IL1RAPL1: variants seen among roughly 807,000 people sequenced by gnomAD.
The protein encoded by IL1RAPL1 is interleukin-1 receptor accessory protein-like 1.
IL1RAPL1 carries 3 observed loss-of-function variants against 48.4 expected under a neutral mutation model. The observed-to-expected ratio is 0.06, with a 90% CI of 0.03 to 0.16. The LOEUF (loss-of-function observed/expected upper bound fraction) is 0.16, where lower values mean the gene tolerates loss of function less well. IL1RAPL1 is among the 10% of genes least tolerant of loss of function. The probability of loss-of-function intolerance (pLI) is 1.00; values close to 1 mark genes in which losing one functional copy is unlikely to be tolerated. For synonymous variants in IL1RAPL1, 185 were observed against 187.7 expected, an observed-to-expected ratio of 0.99 and a Z score of 0.12; for missense variants, 349 against 530.6, an observed-to-expected ratio of 0.66 and a Z score of 3.36.
At chrX:29,483,479 G>C (rs1329734886) in intron 5 of IL1RAPL1, among the ~76,000 whole-genome samples, 2 of 111,359 alleles carry the variant, frequency 1.8e-5, no homozygotes, top group Non-Finnish European at 3.8e-5. Flanking sequence ...CTATTTTCTA[G>C]GCGGTTTGTT....
intron 2 of IL1RAPL1, among the ~76,000 whole-genome samples, chrX:29,174,942 C>T (rs1465728265): frequency 4.6e-5 from 5 of 109,468 alleles, no homozygotes; most frequent in Non-Finnish European, 7.6e-5. Context: ...GGCGTGGTGG[C>T]GGGCACCTGT....
chrX:28,788,410 C>A (rs1936495830), intron 1 of IL1RAPL1, among the ~76,000 whole-genome samples: 1 of 111,387 alleles, frequency 9.0e-6, no homozygotes, highest in Non-Finnish European at 1.9e-5. Flanking sequence ...TCTTATATTC[C>A]TCTGCAAGCC....
chrX:29,072,908 G>A (rs1311695154), intron 2 of IL1RAPL1, among the ~76,000 whole-genome samples: 2 of 111,793 alleles, frequency 1.8e-5, no homozygotes, highest in Admixed American at 9.5e-5. Flanking sequence ...GAAGGCCTGG[G>A]AGGGCAAACT....
intron 2 of IL1RAPL1, among the ~76,000 whole-genome samples, chrX:28,839,144 G>T (rs1291582660): frequency 9.0e-6 from 1 of 111,531 alleles, no homozygotes; most frequent in Non-Finnish European, 1.9e-5. Flanking sequence ...TTTTATATGT[G>T]CTTAAAGTTT....
chrX:29,244,472 C>T (rs186356884), intron 2 of IL1RAPL1, among the ~76,000 whole-genome samples: 74 of 112,134 alleles, frequency 6.6e-4, no homozygotes, highest in African/African-American at 1.9e-3. Context: ...TCAGAGCATT[C>T]GGCTCACCTC....
At chrX:29,143,958 T>C (rs1929295502) in intron 2 of IL1RAPL1, among the ~76,000 whole-genome samples, 1 of 111,646 alleles carries the variant, frequency 9.0e-6, no homozygotes, top group South Asian at 3.8e-4. Flanking sequence ...AGCTCTTGAG[T>C]ATGAATATCA....
At chrX:29,342,214 CA>C (rs1933093349) in intron 3 of IL1RAPL1, among the ~76,000 whole-genome samples, 1 of 109,028 alleles carries the variant, frequency 9.2e-6, no homozygotes, top group Admixed American at 1.0e-4. Flanking sequence ...CTTTCTGAGG[CA>C]AAAAAGTTAA....
At chrX:28,810,567 C>T (rs1194948592) in intron 2 of IL1RAPL1, among the ~76,000 whole-genome samples, 1 of 110,328 alleles carries the variant, frequency 9.1e-6, no homozygotes, top group Non-Finnish European at 1.9e-5. Context: ...AGGGAGCAAG[C>T]CCAGAAGTCT....
At chrX:29,154,723 T>C (rs182455158) in intron 2 of IL1RAPL1, among the ~76,000 whole-genome samples, 1,328 of 111,923 alleles carry the variant, frequency 0.012, 18 homozygotes, top group African/African-American at 0.04. Context: ...AAAGAGATTA[T>C]GACTTAAAGT....
chrX:29,413,355 CTTTT>C (rs938498854), intron 5 of IL1RAPL1, among the ~76,000 whole-genome samples: 9 of 111,033 alleles, frequency 8.1e-5, no homozygotes, highest in African/African-American at 3.0e-4. Context: ...TATTTATAAT[CTTTT>C]TTTTATTATT....
chrX:29,613,094 A>G (rs918149851), intron 5 of IL1RAPL1, among the ~76,000 whole-genome samples: 3 of 112,313 alleles, frequency 2.7e-5, no homozygotes, highest in African/African-American at 9.7e-5. Context: ...GCTCTTCTAC[A>G]TCAGCACTAT....
intron 1 of IL1RAPL1, among the ~76,000 whole-genome samples, chrX:28,688,103 CAAAAAAA>C (rs55752146): frequency 2.0e-5 from 1 of 49,965 alleles, no homozygotes; most frequent in African/African-American, 7.8e-5. Context: ...GACTCTGTCT[CAAAAAAA>C]AAAAAAAAAA....
chrX:29,055,754 A>G (rs1317992403), intron 2 of IL1RAPL1, among the ~76,000 whole-genome samples: 1 of 112,167 alleles, frequency 8.9e-6, no homozygotes, highest in East Asian at 2.8e-4. Context: ...CATGAAACAT[A>G]CATTAAATTT....
Position 29,904,356 on chromosome X carries a change from TTC to T in IL1RAPL1, c.779-13106_779-13105del, listed in dbSNP as rs779605467. 4.8e-3 allele frequency among the ~76,000 whole-genome samples: 502 copies of T among 104,122 alleles called. 6 individuals carry two copies. Among genetic ancestry groups the T allele is most frequent in the African/African-American group, 0.016 (458 of 28,354 alleles). The allele number at this position is 104,122 out of a possible 115,157, so 90.4% of individuals were successfully genotyped here. A position where few individuals can be genotyped will look rare whatever the true frequency, so the allele number is the denominator to read the frequency against. On this transcript the variant is annotated intron_variant, in intron 6 of 10. Coordinates refer to ENST00000378993, the MANE Select transcript of IL1RAPL1 (RefSeq NM_014271.4). Reference sequence around the variant, plus strand: ...ATAAAGATAAAAATTTTATTGCTGATTCTTTTTTTAATTTTAATTTTTTAAGT... The same window carrying T: ...ATAAAGATAAAAATTTTATTGCTGATTTTTTTTAATTTTAATTTTTTAAGT...
intron 2 of IL1RAPL1, among the ~76,000 whole-genome samples, chrX:29,197,015 G>A (rs917919732): frequency 9.1e-6 from 1 of 110,194 alleles, no homozygotes; most frequent in African/African-American, 3.3e-5. Context: ...TTTTAGATAC[G>A]ATTTTAGGAT....
At chrX:28,725,658 CAT>C (rs1255628340) in intron 1 of IL1RAPL1, among the ~76,000 whole-genome samples, 1 of 112,150 alleles carries the variant, frequency 8.9e-6, no homozygotes, top group Non-Finnish European at 1.9e-5. Flanking sequence ...CCTTCTTACT[CAT>C]AGGATCAGGC....
At chrX:29,730,962 T>G (rs1293770962) in intron 6 of IL1RAPL1, among the ~76,000 whole-genome samples, 1 of 112,229 alleles carries the variant, frequency 8.9e-6, no homozygotes, top group Non-Finnish European at 1.9e-5. Flanking sequence ...TCCTGAGTGT[T>G]TTACTCTATC....
At chrX:28,886,376 T>C (rs1170028616) in intron 2 of IL1RAPL1, among the ~76,000 whole-genome samples, 3 of 109,913 alleles carry the variant, frequency 2.7e-5, no homozygotes, top group African/African-American at 9.9e-5. Flanking sequence ...TATATACATA[T>C]ATGTATATAT....
At chrX:29,035,013 C>T (rs1240430590) in intron 2 of IL1RAPL1, among the ~76,000 whole-genome samples, 1 of 110,796 alleles carries the variant, frequency 9.0e-6, no homozygotes, top group Non-Finnish European at 1.9e-5. Flanking sequence ...TGCCACCACG[C>T]CCGGCTAATT....
Sources: gnomAD v4.1 joint callset for allele counts (sites outside exome capture counted in the v4.1 genomes callset) on GRCh38, gnomAD v4.1.1 for gene constraint, MANE v1.5 for transcripts, NCBI Gene and HGNC (gene_info 2026-07-23, HGNC 2026-07-21) for gene names.